The following MAMDC2 variants were observed in gnomAD, a reference collection of about 807,000 sequenced individuals.
MAMDC2 encodes MAM domain-containing protein 2.
Under a neutral mutation model 89.8 loss-of-function variants are expected in MAMDC2, and 57 were observed. The observed-to-expected ratio is 0.63, with a 90% CI of 0.51 to 0.79. MAMDC2 has a LOEUF of 0.79. Ranked by LOEUF, MAMDC2 falls within the 30% of genes least tolerant of loss-of-function variation. The probability of loss-of-function intolerance (pLI) is 0.00; values close to 1 mark genes in which losing one functional copy is unlikely to be tolerated. For synonymous variants in MAMDC2, 313 were observed against 293.4 expected (o/e 1.07, Z -0.68); for missense variants, 800 against 820.6 (o/e 0.97, Z 0.31).
chr9:70,094,081 A>G (rs957129873), intron 2 of MAMDC2: 3 of 152,234 alleles, frequency 2.0e-5, no homozygotes, highest in Admixed American at 6.5e-5. Context: ...TGTGGTTTCA[A>G]ATGTTGGCAG....
chr9:70,147,535 A>C (rs940587003), intron 9 of MAMDC2, among the ~76,000 whole-genome samples: 5 of 149,878 alleles, frequency 3.3e-5, no homozygotes, highest in African/African-American at 1.2e-4. Flanking sequence ...ACTTTAGTAC[A>C]CTAAACCATT....
At chr9:70,075,856 C>T (rs1827517839) in intron 2 of MAMDC2, among the ~76,000 whole-genome samples, 1 of 152,234 alleles carries the variant, frequency 6.6e-6, no homozygotes, top group East Asian at 1.9e-4. Context: ...CACTGTGCTG[C>T]TGTCTGGAAG....
intron 11 of MAMDC2, among the ~76,000 whole-genome samples, chr9:70,212,499 T>G (rs1788597865): frequency 6.6e-6 from 1 of 152,040 alleles, no homozygotes; most frequent in Non-Finnish European, 1.5e-5. Context: ...AGAGTGGGAG[T>G]GTCCTGATTT....
intron 7 of MAMDC2, among the ~76,000 whole-genome samples, chr9:70,134,393 G>T (rs1180169916): frequency 1.4e-5 from 2 of 147,056 alleles, no homozygotes; most frequent in Non-Finnish European, 3.0e-5. Flanking sequence ...CTGTCCCAAA[G>T]TTTAGAAGAT....
intron 11 of MAMDC2, among the ~76,000 whole-genome samples, chr9:70,171,498 C>T (rs995721535): frequency 5.3e-5 from 8 of 151,508 alleles, no homozygotes; most frequent in Admixed American, 2.6e-4. Context: ...GGCCCTGTCT[C>T]GAAAAAAATA....
intron 9 of MAMDC2, among the ~76,000 whole-genome samples, chr9:70,152,893 A>G (rs1162934003): frequency 1.3e-5 from 2 of 152,228 alleles, no homozygotes; most frequent in East Asian, 3.9e-4. Flanking sequence ...AGTTCTTAGC[A>G]TAGTACCCAC....
intron 7 of MAMDC2, among the ~76,000 whole-genome samples, chr9:70,132,531 ATTT>A (rs11334981): frequency 5.2e-4 from 75 of 145,264 alleles, no homozygotes; most frequent in East Asian, 1.0e-3. Flanking sequence ...GGACTAAGAA[ATTT>A]TTTTTTTTTT....
At chr9:70,095,994 A>T (rs1001907703) in intron 2 of MAMDC2, among the ~76,000 whole-genome samples, 4 of 152,128 alleles carry the variant, frequency 2.6e-5, no homozygotes, top group Non-Finnish European at 5.9e-5. Context: ...TTCCCAGGAC[A>T]TAGGACTTTA....
At chr9:70,224,076 G>C (rs1356375082) in intron 12 of MAMDC2, among the ~76,000 whole-genome samples, 2 of 152,088 alleles carry the variant, frequency 1.3e-5, no homozygotes, top group Non-Finnish European at 2.9e-5. Context: ...TTGTTGTTCA[G>C]AGAACCAAAA....
chr9:70,181,964 C>T (rs1341700292), intron 11 of MAMDC2, among the ~76,000 whole-genome samples: 1 of 152,120 alleles, frequency 6.6e-6, no homozygotes, highest in African/African-American at 2.4e-5. Context: ...CAGCTTTTCC[C>T]CATTCGGTAT....
intron 11 of MAMDC2, among the ~76,000 whole-genome samples, chr9:70,198,555 A>G (rs1232991125): frequency 3.3e-5 from 5 of 152,104 alleles, no homozygotes; most frequent in Non-Finnish European, 7.4e-5. Context: ...ATTTTCTCCC[A>G]CTGACTCCCC....
intron 11 of MAMDC2, among the ~76,000 whole-genome samples, chr9:70,209,066 C>T (rs1324951083): frequency 7.2e-5 from 11 of 152,178 alleles, no homozygotes; most frequent in Non-Finnish European, 1.3e-4. Flanking sequence ...CGTCGATGTT[C>T]ATCAGGGATA....
At chr9:70,149,050 T>TC (rs1225851340) in intron 9 of MAMDC2, among the ~76,000 whole-genome samples, 1 of 143,432 alleles carries the variant, frequency 7.0e-6, no homozygotes, top group Non-Finnish European at 1.5e-5. Context: ...AAAAAATTTT[T>TC]TTTTTTTTTT....
At chr9:70,112,893 A>G in intron 4 of MAMDC2, 102 bp from the exon 5 acceptor site, 1 of 1,457,478 alleles carries the variant, frequency 6.9e-7, no homozygotes, top group Non-Finnish European at 9.5e-7. Flanking sequence ...TGGGCAAAGG[A>G]AGAGAGAAAC....
chr9:70,148,541 G>A (rs944155260), intron 9 of MAMDC2, among the ~76,000 whole-genome samples: 8 of 150,310 alleles, frequency 5.3e-5, no homozygotes, highest in Admixed American at 2.0e-4. Flanking sequence ...CTCAATAATT[G>A]TCTGTTGACT....
intron 2 of MAMDC2, among the ~76,000 whole-genome samples, chr9:70,072,657 G>C (rs1164656955): frequency 6.6e-6 from 1 of 152,034 alleles, no homozygotes; most frequent in Non-Finnish European, 1.5e-5. Flanking sequence ...ATATTGAGTT[G>C]AATTTGAATC....
intron 11 of MAMDC2, among the ~76,000 whole-genome samples, chr9:70,186,518 G>A (rs1017353309): frequency 2.0e-5 from 3 of 152,200 alleles, no homozygotes; most frequent in African/African-American, 7.2e-5. Context: ...GAAGTCAGAT[G>A]TCAGTCCTAA....
chr9:70,191,855 T>G (rs1241335643), intron 11 of MAMDC2, among the ~76,000 whole-genome samples: 1 of 152,204 alleles, frequency 6.6e-6, no homozygotes, highest in South Asian at 2.1e-4. Context: ...TGCATTTGGC[T>G]TCTTGTCCTC....
intron 2 of MAMDC2, chr9:70,090,627 A>G (rs967485071): frequency 1.3e-5 from 2 of 152,188 alleles, no homozygotes; most frequent in Non-Finnish European, 1.5e-5. Flanking sequence ...GATGATGGGG[A>G]AAGTGCTCTA....
Sources: allele counts gnomAD v4.1 joint callset (sites outside exome capture counted in the v4.1 genomes callset), GRCh38; gene constraint gnomAD v4.1.1; transcripts MANE v1.5; gene names NCBI Gene and HGNC (gene_info 2026-07-23, HGNC 2026-07-21).